Variants in BMAL1 observed in about 807,000 individuals in gnomAD.
The protein encoded by BMAL1 is basic helix-loop-helix ARNT-like protein 1.
chr11:13,341,841 T>C, the BMAL1 span, among the ~76,000 whole-genome samples: 4 of 152,266 alleles, frequency 2.6e-5, no homozygotes, highest in Admixed American at 6.5e-5. Context: ...GCATGACTCA[T>C]TGATCCTTCT....
chr11:13,356,383 G>T, the BMAL1 span: 1 of 512,304 alleles, frequency 2.0e-6, no homozygotes, highest in Non-Finnish European at 3.8e-6. Flanking sequence ...GATGGGGGGG[G>T]AGAATGAGAG....
chr11:13,373,537 C>CTG, the BMAL1 span, among the ~76,000 whole-genome samples: 1 of 152,206 alleles, frequency 6.6e-6, no homozygotes, highest in Non-Finnish European at 1.5e-5. Flanking sequence ...AGATCTCAGT[C>CTG]TGTCACCCAG....
the BMAL1 span, among the ~76,000 whole-genome samples, chr11:13,294,253 A>C: frequency 6.6e-6 from 1 of 152,244 alleles, no homozygotes; most frequent in Non-Finnish European, 1.5e-5. Context: ...AAAAACAGGA[A>C]TTGAAATTAT....
the BMAL1 span, among the ~76,000 whole-genome samples, chr11:13,321,552 C>A: frequency 6.6e-6 from 1 of 152,100 alleles, no homozygotes. Context: ...AGTAGGTGGA[C>A]AGCAGATGTT....
chr11:13,350,431 CAGAG>C, the BMAL1 span, among the ~76,000 whole-genome samples: 601 of 152,220 alleles, frequency 3.9e-3, 4 homozygotes, highest in African/African-American at 0.014. Context: ...AAGGATAAAT[CAGAG>C]AGAATAGCTA....
chr11:13,321,523 T>G, the BMAL1 span, among the ~76,000 whole-genome samples: 1 of 152,162 alleles, frequency 6.6e-6, no homozygotes, highest in South Asian at 2.1e-4. Flanking sequence ...TTTGCTGCCT[T>G]GCTTGGGGTC....
the BMAL1 span, chr11:13,376,541 C>T: frequency 9.0e-7 from 1 of 1,108,426 alleles, no homozygotes; most frequent in Non-Finnish European, 1.4e-6. Context: ...TCTGGCCTGT[C>T]CAGGTCCAGA....
chr11:13,376,156 T>A, the BMAL1 span, among the ~76,000 whole-genome samples: 49 of 152,302 alleles, frequency 3.2e-4, no homozygotes, highest in African/African-American at 1.2e-3. Flanking sequence ...GAGGTCTCCA[T>A]ACCTGTCAGG....
chr11:13,345,786 T>C, the BMAL1 span, among the ~76,000 whole-genome samples: 1 of 152,232 alleles, frequency 6.6e-6, no homozygotes, highest in African/African-American at 2.4e-5. Flanking sequence ...AAAATTAAAC[T>C]TGTTTATTGT....
the BMAL1 span, among the ~76,000 whole-genome samples, chr11:13,335,964 AT>A: frequency 3.3e-5 from 5 of 152,150 alleles, no homozygotes; most frequent in African/African-American, 1.2e-4. Flanking sequence ...TATTTAAAAT[AT>A]TTTTATTGCA....
the BMAL1 span, among the ~76,000 whole-genome samples, chr11:13,369,248 T>C: frequency 0.015 from 2,340 of 152,348 alleles, 65 homozygotes; most frequent in African/African-American, 0.053. Context: ...CAGGTTGTCT[T>C]TGCCATTTAT....
At chr11:13,294,518 A>G in the BMAL1 span, among the ~76,000 whole-genome samples, 4 of 152,372 alleles carry the variant, frequency 2.6e-5, no homozygotes, top group East Asian at 1.9e-4. Context: ...GGCTTGGACT[A>G]TAAACTGTCA....
At chr11:13,343,666 C>T in the BMAL1 span, among the ~76,000 whole-genome samples, 3 of 152,200 alleles carry the variant, frequency 2.0e-5, no homozygotes, top group African/African-American at 7.2e-5. Context: ...TCCCTTTTAT[C>T]ATTCAGCAAA....
the BMAL1 span, chr11:13,354,297 C>G: frequency 1.4e-6 from 2 of 1,468,986 alleles, no homozygotes; most frequent in Non-Finnish European, 1.8e-6. Context: ...TGTAACAATT[C>G]CAGATCATCC....
the BMAL1 span, among the ~76,000 whole-genome samples, chr11:13,322,150 G>A: frequency 1.3e-5 from 2 of 152,126 alleles, no homozygotes; most frequent in Middle Eastern, 3.2e-3. Context: ...TCTTGTCTAC[G>A]AAGGAGGGCT....
chr11:13,281,999 T>C, the BMAL1 span, among the ~76,000 whole-genome samples: 1 of 152,224 alleles, frequency 6.6e-6, no homozygotes, highest in Non-Finnish European at 1.5e-5. Context: ...TCTCCTGTGT[T>C]CTGCTAGCAG....
the BMAL1 span, among the ~76,000 whole-genome samples, chr11:13,331,796 G>A: frequency 1.3e-5 from 2 of 152,158 alleles, no homozygotes; most frequent in Admixed American, 6.5e-5. Flanking sequence ...TGCCTAAGCC[G>A]GAGTGGGCTT....
chr11:13,370,346 C>G, the BMAL1 span, among the ~76,000 whole-genome samples: 1 of 152,164 alleles, frequency 6.6e-6, no homozygotes, highest in African/African-American at 2.4e-5. Context: ...CTTCCACATT[C>G]ATATTTCCAG....
At chr11:13,335,111 A>G in the BMAL1 span, among the ~76,000 whole-genome samples, 1 of 152,196 alleles carries the variant, frequency 6.6e-6, no homozygotes, top group Non-Finnish European at 1.5e-5. Context: ...TACCAAAAAT[A>G]GGGCTATGAG....
Sources: allele counts gnomAD v4.1 joint callset (sites outside exome capture counted in the v4.1 genomes callset), GRCh38; gene constraint gnomAD v4.1.1; transcripts MANE v1.5; gene names NCBI Gene and HGNC (gene_info 2026-07-23, HGNC 2026-07-21).